TUB: variants seen among roughly 807,000 people sequenced by gnomAD.
TUB encodes TUB bipartite transcription factor.
In TUB, 33 loss-of-function variants were observed where a neutral mutation model predicts 59.7. That is an observed-to-expected ratio of 0.55 (90% CI 0.42 to 0.74). TUB has a LOEUF of 0.74. Ranked by LOEUF, TUB falls within the 30% of genes least tolerant of loss-of-function variation. TUB has a pLI of 0.00. For missense variants in TUB, 659 were observed against 672.0 expected (o/e 0.98, Z 0.21); for synonymous variants, 293 against 256.4 (o/e 1.14, Z -1.36).
At chr11:8,030,015 C>T (rs1187961973) in intron 1 of TUB, among the ~76,000 whole-genome samples, 2 of 152,042 alleles carry the variant, frequency 1.3e-5, no homozygotes, top group Admixed American at 1.3e-4. Flanking sequence ...TGAGGAATGG[C>T]GTTAGAGGGC....
Position 8,081,530 on chromosome 11 carries a change from C to A in TUB, c.20C>A (p.Ser7Tyr). 1 of 1,552,598 alleles carries A rather than the reference C, an allele frequency of 6.4e-7. No homozygotes were observed. The highest frequency in any genetic ancestry group is 8.7e-7 in the Non-Finnish European group (1 of 1,155,262). Reference sequence around the variant, plus strand: ...AGAGACATGACTTCCAAGCCGCATTCCGACTGGATTCCCTACAGGTACGCG... The same window carrying A: ...AGAGACATGACTTCCAAGCCGCATTACGACTGGATTCCCTACAGGTACGCG... MTSKPH[S>Y]DWIPYSVLDD... Residue 7 changes from serine (S) to tyrosine (Y), a missense_variant, in exon 1 of 12, where the codon TCC becomes TAC. By Grantham distance (144) the Ser-to-Tyr change is moderately radical (BLOSUM62 -2). Transcript: ENST00000299506.
intron 2 of TUB, among the ~76,000 whole-genome samples, chr11:8,073,615 A>G (rs79954609): frequency 3.7e-4 from 56 of 152,334 alleles, no homozygotes; most frequent in African/African-American, 1.3e-3. Flanking sequence ...CTTCCTGATC[A>G]CCTTAATTCC....
chr11:8,087,807 C>A (rs1943696362), intron 1 of TUB, among the ~76,000 whole-genome samples: 1 of 152,202 alleles, frequency 6.6e-6, no homozygotes, highest in African/African-American at 2.4e-5. Flanking sequence ...CTGGCAGGGC[C>A]CTCAGGCATT....
intron 1 of TUB, among the ~76,000 whole-genome samples, chr11:8,083,903 G>T (rs1943617498): frequency 6.6e-6 from 1 of 152,156 alleles, no homozygotes; most frequent in African/African-American, 2.4e-5. Flanking sequence ...TTCCAAAATG[G>T]GAGACTTGGG....
chr11:8,090,104 C>G lies in TUB; in HGVS notation c.126C>G (p.Arg42=). The change falls in exon 3 of 12, where the codon CGC becomes CGG. Residue 42 remains arginine, a synonymous_variant. Coordinates refer to ENST00000299506, the MANE Select transcript of TUB (RefSeq NM_177972.3). ...ALLEQKQKKK[R]QEPLMVQANA... is the part of the protein sequence containing the mutation. ...TGGAGCAGAAGCAGAAGAAGAAGCGCCAGGAGCCCCTGATGGTGCAGGCCA... is the reference window on the plus strand; with the variant it reads ...TGGAGCAGAAGCAGAAGAAGAAGCGGCAGGAGCCCCTGATGGTGCAGGCCA... 4 of 1,612,602 alleles carry G rather than the reference C, an allele frequency of 2.5e-6. No individual in the cohort carries two copies. Among genetic ancestry groups the G allele is most frequent in the Non-Finnish European group, 2.5e-6 (3 of 1,179,432 alleles).
chr11:8,023,482 C>T (rs1320422556), intron 1 of TUB, among the ~76,000 whole-genome samples: 1 of 152,214 alleles, frequency 6.6e-6, no homozygotes, highest in Admixed American at 6.5e-5. Flanking sequence ...TCTCAGGCTA[C>T]ACCCTGGTCT....
intron 3 of TUB, among the ~76,000 whole-genome samples, chr11:8,093,363 G>A (rs947255653): frequency 1.3e-5 from 2 of 152,104 alleles, no homozygotes; most frequent in African/African-American, 4.8e-5. Context: ...GTGCCCCAGA[G>A]GTGGGGAGTA....
intron 2 of TUB, among the ~76,000 whole-genome samples, chr11:8,056,544 G>A (rs920997009): frequency 9.9e-5 from 15 of 152,144 alleles, no homozygotes; most frequent in Admixed American, 9.2e-4. Context: ...GAAATGCCTG[G>A]GGGGAGGGAA....
chr11:8,050,827 C>T (rs1290861388), intron 2 of TUB, among the ~76,000 whole-genome samples: 8 of 152,138 alleles, frequency 5.3e-5, no homozygotes, highest in Admixed American at 5.2e-4. Flanking sequence ...TTTTCCTATG[C>T]TTTCAATAAT....
chr11:8,075,904 G>T (rs947592051), intron 2 of TUB: 1 of 152,232 alleles, frequency 6.6e-6, no homozygotes, highest in African/African-American at 2.4e-5. Context: ...ACTCTGATGA[G>T]TTGCTGTCCC....
chr11:8,036,396 A>G (rs1942647112), upstream of TUB, among the ~76,000 whole-genome samples: 1 of 152,112 alleles, frequency 6.6e-6, no homozygotes, highest in South Asian at 2.1e-4. Context: ...TGCCACTTAA[A>G]TTCCCCTCTC....
At chr11:8,095,247 G>A (rs530476194) in intron 4 of TUB, among the ~76,000 whole-genome samples, 49 of 152,290 alleles carry the variant, frequency 3.2e-4, no homozygotes, top group African/African-American at 7.7e-4. Context: ...CTTTAAGGAC[G>A]TGAGGTGTTG....
chr11:8,097,859 T>G (rs1589983760), intron 8 of TUB, 33 bp downstream of exon 8: 3 of 1,564,110 alleles, frequency 1.9e-6, no homozygotes, highest in African/African-American at 2.8e-5. Flanking sequence ...CAGGCGGGAG[T>G]GGGAGGGAGG....
intron 2 of TUB, among the ~76,000 whole-genome samples, chr11:8,064,103 C>T (rs2133780806): frequency 6.6e-6 from 1 of 152,320 alleles, no homozygotes; most frequent in Non-Finnish European, 1.5e-5. Flanking sequence ...TTCAGACTTA[C>T]TCAGTTCTCA....
intron 2 of TUB, among the ~76,000 whole-genome samples, chr11:8,042,836 AAAC>A (rs1176441250): frequency 1.3e-5 from 2 of 152,170 alleles, no homozygotes; most frequent in African/African-American, 4.8e-5. Flanking sequence ...TTCTAGGTAA[AAAC>A]AAGACCCTTA....
chr11:8,051,526 A>G (rs905457915), intron 2 of TUB, among the ~76,000 whole-genome samples: 21 of 152,232 alleles, frequency 1.4e-4, no homozygotes, highest in African/African-American at 5.1e-4. Context: ...GCTCAAAAAG[A>G]ATGAATCTCT....
At position 8,103,557 on chromosome 11, in the gene TUB, C is replaced by T. The variant is rs566714346; in HGVS notation, c.*1938C>T. On this transcript the variant is annotated 3_prime_UTR_variant, in exon 12 of 12. Transcript: ENST00000299506. ...GTCCTAGCAGGATCTGCCCACACCT[C>T]GGCCGTACATCTCTGTGAGAGACCC... is the stretch of plus-strand genomic sequence containing the variant. The T allele has an allele frequency of 4.6e-5, 7 of 152,748 alleles. No individual in the cohort carries two copies. The highest frequency in any genetic ancestry group is 1.4e-4 in the African/African-American group (6 of 41,562). The allele number at this position is 152,748 out of a possible 1,614,324, so 9.5% of individuals were successfully genotyped here. A position where few individuals can be genotyped will look rare whatever the true frequency, so the allele number is the denominator to read the frequency against.
At chr11:8,027,421 T>C (rs1316177336) in intron 1 of TUB, among the ~76,000 whole-genome samples, 1 of 152,256 alleles carries the variant, frequency 6.6e-6, no homozygotes, top group African/African-American at 2.4e-5. Flanking sequence ...TCAAGATTCA[T>C]TCATGTTGTA....
At chr11:8,074,264 A>G (rs35875365) in intron 2 of TUB, among the ~76,000 whole-genome samples, 75,210 of 151,856 alleles carry the variant, frequency 0.5, 19,251 homozygotes, top group Non-Finnish European at 0.55. Flanking sequence ...AGAAGGGGCC[A>G]CCTGGAATGG....
Sources: allele counts gnomAD v4.1 joint callset (sites outside exome capture counted in the v4.1 genomes callset), GRCh38; gene constraint gnomAD v4.1.1; transcripts MANE v1.5; gene names NCBI Gene and HGNC (gene_info 2026-07-23, HGNC 2026-07-21).